ADAMTS20: variants seen among roughly 807,000 people sequenced by gnomAD.
The protein encoded by ADAMTS20 is ADAM metallopeptidase with thrombospondin type 1 motif 20.
In ADAMTS20, 225 loss-of-function variants were observed where a neutral mutation model predicts 260.1. The ratio of observed to expected loss-of-function variants is 0.87; its 90% CI spans 0.78 to 0.97. ADAMTS20 has a LOEUF of 0.97. Among genes scored for constraint, ADAMTS20 ranks in the 50% least tolerant of loss-of-function variants. ADAMTS20 has a pLI of 0.00. For missense variants in ADAMTS20, 2,400 were observed against 2,337.7 expected, an observed-to-expected ratio of 1.03 and a Z score of -0.55; for synonymous variants, 802 against 769.5, an observed-to-expected ratio of 1.04 and a Z score of -0.70.
chr12:43,508,059 G>A (rs1320220535), intron 3 of ADAMTS20, among the ~76,000 whole-genome samples: 2 of 152,126 alleles, frequency 1.3e-5, no homozygotes, highest in East Asian at 3.9e-4. Flanking sequence ...GTACCTGGGT[G>A]ATGAAATAAT....
chr12:43,531,548 T>C (rs1442875821), intron 3 of ADAMTS20, among the ~76,000 whole-genome samples: 1 of 152,104 alleles, frequency 6.6e-6, no homozygotes, highest in African/African-American at 2.4e-5. Context: ...TTAAGAAATA[T>C]CATATGACCT....
intron 18 of ADAMTS20, among the ~76,000 whole-genome samples, chr12:43,438,483 C>T (rs1188578004): frequency 2.0e-5 from 3 of 152,138 alleles, no homozygotes; most frequent in Non-Finnish European, 4.4e-5. Flanking sequence ...GCATCATTTC[C>T]TTGTATCCCT....
chr12:43,471,999 G>A (rs373653973), intron 7 of ADAMTS20, among the ~76,000 whole-genome samples: 2 of 151,978 alleles, frequency 1.3e-5, no homozygotes, highest in East Asian at 1.9e-4. Context: ...TGACTTTGAC[G>A]AGCTGAGAGA....
Position 43,429,683 on chromosome 12 carries a change from C to A in ADAMTS20, c.3423G>T (p.Glu1141Asp). The A allele has an allele frequency of 6.3e-7, 1 of 1,596,514 alleles. No individual in the cohort carries two copies. Among genetic ancestry groups the A allele is most frequent in the South Asian group, 1.1e-5 (1 of 87,970 alleles). ...LTPCSFISKL[E>D]TALLPTVLIK... ...TGAGAACAGTTGGTAATAAAGCGGT[C>A]TCAAGTTTAGAAATAAATGAGCAAG... The change falls in exon 24 of 39, where the codon GAG (glutamate) becomes GAT (aspartate). Residue 1141 changes from glutamate to aspartate, a missense_variant. Transcript: ENST00000389420.
chr12:43,448,013 C>G (rs1237270088), intron 14 of ADAMTS20, among the ~76,000 whole-genome samples: 1 of 152,048 alleles, frequency 6.6e-6, no homozygotes, highest in East Asian at 1.9e-4. Flanking sequence ...ATGAAAAATA[C>G]TCTATGCTTA....
chr12:43,452,768 T>C, intron 12 of ADAMTS20, 73 bp from the exon 13 acceptor site: 1 of 1,358,952 alleles, frequency 7.4e-7, no homozygotes. Context: ...AAAAGTTCCA[T>C]TCTTTTCCAG....
At chr12:43,547,511 C>A (rs1202133359) in intron 2 of ADAMTS20, among the ~76,000 whole-genome samples, 1 of 152,094 alleles carries the variant, frequency 6.6e-6, no homozygotes, top group Non-Finnish European at 1.5e-5. Context: ...CTATGTGGGA[C>A]TCAAGGAAGG....
chr12:43,488,135 G>T (rs1942550625), intron 7 of ADAMTS20, among the ~76,000 whole-genome samples: 1 of 151,966 alleles, frequency 6.6e-6, no homozygotes. Context: ...TTTTAGAGTG[G>T]TTCAATTTGG....
At chr12:43,514,422 T>C (rs193111866) in intron 3 of ADAMTS20, among the ~76,000 whole-genome samples, 2 of 150,990 alleles carry the variant, frequency 1.3e-5, no homozygotes, top group East Asian at 2.0e-4. Context: ...ATCAGTTGGG[T>C]GTAGTGGCGC....
At chr12:43,504,695 T>G (rs1942816759) in intron 3 of ADAMTS20, among the ~76,000 whole-genome samples, 1 of 152,198 alleles carries the variant, frequency 6.6e-6, no homozygotes, top group Non-Finnish European at 1.5e-5. Context: ...ATTTAGGTAT[T>G]GAGGAGCAAA....
At chr12:43,536,197 G>C (rs1424990859) in intron 2 of ADAMTS20, among the ~76,000 whole-genome samples, 1 of 152,074 alleles carries the variant, frequency 6.6e-6, no homozygotes, top group Non-Finnish European at 1.5e-5. Flanking sequence ...GAGGAAAAGA[G>C]AGGTTAAGTC....
Position 43,430,475 on chromosome 12 carries a change from AAAG to A in ADAMTS20, c.3262-7_3262-5del, listed in dbSNP as rs745669359. On this transcript the variant is annotated splice_region_variant and splice_polypyrimidine_tract_variant and intron_variant, in intron 22 of 38. Transcript: ENST00000389420. ...CATGTCCACATGTGGTTGTGCACTG[AAAG>A]AAGAATATAGATATTAAAAAAACAT... 13 of 1,608,672 alleles carry A rather than the reference AAAG, an allele frequency of 8.1e-6. No individual in the cohort carries two copies. Among genetic ancestry groups the A allele is most frequent in the East Asian group, 2.2e-5 (1 of 44,774 alleles).
intron 31 of ADAMTS20, among the ~76,000 whole-genome samples, chr12:43,382,305 A>G (rs1940371746): frequency 6.6e-6 from 1 of 152,222 alleles, no homozygotes; most frequent in African/African-American, 2.4e-5. Flanking sequence ...TATCATAAAA[A>G]GGAATGAAGC....
intron 7 of ADAMTS20, among the ~76,000 whole-genome samples, chr12:43,471,552 G>T (rs1307526315): frequency 3.8e-5 from 5 of 130,868 alleles, no homozygotes; most frequent in Non-Finnish European, 8.1e-5. Flanking sequence ...CAAACAAAAA[G>T]ACAGCAGTAA....
chr12:43,360,442 CTG>C, intron 37 of ADAMTS20, among the ~76,000 whole-genome samples: 1 of 151,930 alleles, frequency 6.6e-6, no homozygotes. Context: ...GAGCACGACT[CTG>C]TCTCAAAAAA....
intron 7 of ADAMTS20, among the ~76,000 whole-genome samples, chr12:43,489,734 T>C (rs1942574254): frequency 6.6e-6 from 1 of 151,924 alleles, no homozygotes; most frequent in Non-Finnish European, 1.5e-5. Context: ...CCTAGGGATA[T>C]ACCCTAGCTC....
chr12:43,383,760 T>C (rs754407407), intron 30 of ADAMTS20, 32 bp from the exon 31 acceptor site: 1 of 1,613,620 alleles, frequency 6.2e-7, no homozygotes, highest in East Asian at 2.2e-5. Flanking sequence ...GAATAACACA[T>C]TCTTATATGC....
chr12:43,477,775 G>A (rs933194696), intron 7 of ADAMTS20, among the ~76,000 whole-genome samples: 1 of 152,006 alleles, frequency 6.6e-6, no homozygotes, highest in African/African-American at 2.4e-5. Context: ...CTATTCTGAG[G>A]GCAAATACTG....
At chr12:43,361,201 G>T (rs370521588) in intron 37 of ADAMTS20, among the ~76,000 whole-genome samples, 8 of 152,102 alleles carry the variant, frequency 5.3e-5, no homozygotes, top group Non-Finnish European at 1.2e-4. Context: ...CAGAGGATTT[G>T]GGTTTGATGA....
Sources: gnomAD v4.1 joint callset for allele counts (sites outside exome capture counted in the v4.1 genomes callset) on GRCh38, gnomAD v4.1.1 for gene constraint, MANE v1.5 for transcripts, NCBI Gene and HGNC (gene_info 2026-07-23, HGNC 2026-07-21) for gene names.